C10orf143: variants seen among roughly 807,000 people sequenced by gnomAD.
C10orf143 encodes the protein uncharacterized protein C10orf143.
At chr10:130,066,191 T>TC (rs1860930943) in intron 3 of C10orf143, 1 of 147,548 alleles carries the variant, frequency 6.8e-6, no homozygotes, top group Non-Finnish European at 1.5e-5. Context: ...GATTTTTTTT[T>TC]TTTTTTTTTT....
At chr10:130,071,599 T>C (rs564642867) in intron 3 of C10orf143, among the ~76,000 whole-genome samples, 2 of 152,330 alleles carry the variant, frequency 1.3e-5, no homozygotes, top group East Asian at 3.9e-4. Context: ...AATTCTGATA[T>C]GTAGCATGTC....
At chr10:130,092,378 T>C (rs1861396081) in intron 1 of C10orf143, among the ~76,000 whole-genome samples, 1 of 152,166 alleles carries the variant, frequency 6.6e-6, no homozygotes, top group African/African-American at 2.4e-5. Context: ...AGAGATTTTG[T>C]CACCACCAGG....
rs1009100288 is a variant in C10orf143 at position 130,102,411 on chromosome 10, TA to T, written c.69+8292del. On this transcript the variant is annotated intron_variant, in intron 1 of 3. Transcript: ENST00000637128. ...CCTCAGCCTCTTGAGTAGCTGGGAT[TA>T]TAGGCGCCTGCCACCACATCCAGCT... Among the ~76,000 whole-genome samples, 112 of 152,220 alleles carry T rather than the reference TA, an allele frequency of 7.4e-4. 3 individuals carry two copies. The highest frequency in any genetic ancestry group is 7.1e-3 in the Admixed American group (109 of 15,284).
At chr10:130,050,166 G>C (rs568574020) in intron 3 of C10orf143, among the ~76,000 whole-genome samples, 1 of 152,258 alleles carries the variant, frequency 6.6e-6, no homozygotes, top group African/African-American at 2.4e-5. Flanking sequence ...GGCTGCAGGC[G>C]CATGACTGAG....
chr10:130,059,022 G>A (rs1860825979), downstream of C10orf143, among the ~76,000 whole-genome samples: 1 of 152,144 alleles, frequency 6.6e-6, no homozygotes, highest in Admixed American at 6.5e-5. Context: ...CACCATGTAT[G>A]ATAAAAATGG....
At chr10:130,070,639 C>T (rs1050042720) in intron 3 of C10orf143, among the ~76,000 whole-genome samples, 3 of 152,140 alleles carry the variant, frequency 2.0e-5, no homozygotes, top group African/African-American at 4.8e-5. Flanking sequence ...GTAGAAATAA[C>T]GCCCTTATTT....
At chr10:130,050,074 A>G (rs1311317998) in intron 3 of C10orf143, among the ~76,000 whole-genome samples, 2 of 152,240 alleles carry the variant, frequency 1.3e-5, no homozygotes, top group African/African-American at 2.4e-5. Context: ...ATCATCAGCC[A>G]TAATGGAAAA....
intron 4 of C10orf143, among the ~76,000 whole-genome samples, chr10:130,035,203 T>C (rs1860531361): frequency 6.6e-6 from 1 of 152,188 alleles, no homozygotes; most frequent in African/African-American, 2.4e-5. Flanking sequence ...TCAGCAGATA[T>C]GGTTTCCTCT....
At chr10:130,105,937 T>C in intron 1 of C10orf143, 1 of 379,848 alleles carries the variant, frequency 2.6e-6, no homozygotes. Flanking sequence ...CACAATGGTC[T>C]GCTCCGGTTG....
rs144848392 is a variant in C10orf143, at chr10:130,073,125, C to T, written c.297+6441G>A. ...CCATGGTGGTAGATTTGTTTATGTG[C>T]TTATTTTTCTAGTGTGATCTTATCC... On this transcript the variant is annotated intron_variant, in intron 3 of 3. Transcript: ENST00000637128. Among the ~76,000 whole-genome samples, 99 of 152,232 alleles carry T rather than the reference C, an allele frequency of 6.5e-4. 1 individual carries two copies. In the East Asian group the frequency reaches 0.014, roughly 22 times the overall value.
intron 1 of C10orf143, among the ~76,000 whole-genome samples, chr10:130,083,620 A>C (rs546020800): frequency 3.3e-5 from 5 of 152,334 alleles, no homozygotes; most frequent in African/African-American, 1.2e-4. Context: ...ATACATTGTT[A>C]AGTGAAAACA....
rs1860795892 is a variant in C10orf143 at position 130,056,406 on chromosome 10, T to C, written c.298-20436A>G. Among the ~76,000 whole-genome samples the C allele has an allele frequency of 1.3e-5, 2 of 152,068 alleles. No homozygotes were observed. The highest frequency in any genetic ancestry group is 2.1e-4 in the South Asian group (1 of 4,824). ...GCACAGGGCTCAACAGCAAGGGTCA[T>C]GCTGAGTCAAGCGTTCAGTGAATAC... On this transcript the variant is annotated intron_variant and NMD_transcript_variant, in intron 3 of 5. Transcript: ENST00000643056. The surrounding 1 kb of genome is among the most constrained non-coding windows in gnomAD (Gnocchi z 4.6).
intron 3 of C10orf143, among the ~76,000 whole-genome samples, chr10:130,075,705 G>A (rs149902655): frequency 2.0e-5 from 3 of 152,220 alleles, no homozygotes; most frequent in South Asian, 2.1e-4. Flanking sequence ...TCATGGGGGC[G>A]GACTTCCCCT....
chr10:130,069,771 C>T (rs1251570887), intron 3 of C10orf143, among the ~76,000 whole-genome samples: 3 of 152,152 alleles, frequency 2.0e-5, no homozygotes, highest in Non-Finnish European at 2.9e-5. Flanking sequence ...TCACTGTGGT[C>T]AGCCTTGGAT....
At chr10:130,055,128 T>C (rs1203438600) in intron 3 of C10orf143, among the ~76,000 whole-genome samples, 1 of 152,126 alleles carries the variant, frequency 6.6e-6, no homozygotes, top group East Asian at 1.9e-4. Context: ...AGTGGGCTAA[T>C]GCCTAGCAAA....
chr10:130,074,122 C>T lies in C10orf143; in HGVS notation c.297+5444G>A, dbSNP rs183889064. Among the ~76,000 whole-genome samples, 17 of 152,278 alleles carry T rather than the reference C, an allele frequency of 1.1e-4. No homozygotes were observed. The South Asian group carries it at 1.7e-3, about 15-fold the overall frequency. On this transcript the variant is annotated intron_variant, in intron 3 of 3. Transcript: ENST00000637128. The stretch of plus-strand genomic sequence containing the variant: ...GGCCGCCAGTCTTGGGGAGTGATGC[C>T]GGCATGCTGACTGCAAACACACTGA...
chr10:130,048,259 G>A (rs1278539481), intron 3 of C10orf143, among the ~76,000 whole-genome samples: 1 of 152,206 alleles, frequency 6.6e-6, no homozygotes, highest in Admixed American at 6.5e-5. Context: ...AGCAGGCCCA[G>A]GGGAAAGATG....
rs146103876 is a variant in C10orf143, at chr10:130,068,858, A to G, written c.298-4475T>C. ...GAGATTATCCAGTTTGAGGAACAGG[A>G]AAAAAAAAGCGAAGAAAAATGAACA... On this transcript the variant is annotated intron_variant, in intron 3 of 3. Coordinates refer to ENST00000637128, the MANE Select transcript of C10orf143 (RefSeq NM_001355042.2). Among the ~76,000 whole-genome samples the G allele has an allele frequency of 1.9e-3, 280 of 151,088 alleles. 5 individuals carry two copies. Among genetic ancestry groups the G allele is most frequent in the African/African-American group, 6.5e-3 (266 of 41,214 alleles).
At chr10:130,089,031 A>G (rs988262144) in intron 1 of C10orf143, among the ~76,000 whole-genome samples, 1 of 152,046 alleles carries the variant, frequency 6.6e-6, no homozygotes, top group Non-Finnish European at 1.5e-5. Flanking sequence ...TTCAGTCCAC[A>G]CTCTTGACCA....
Sources: allele counts gnomAD v4.1 joint callset (sites outside exome capture counted in the v4.1 genomes callset), GRCh38; gene constraint gnomAD v4.1.1; non-coding constraint Gnocchi (gnomAD v3.1); transcripts MANE v1.5; gene names NCBI Gene and HGNC (gene_info 2026-07-23, HGNC 2026-07-21).